EHMT1: variants seen among roughly 807,000 people sequenced by gnomAD.
EHMT1 encodes euchromatic histone lysine methyltransferase 1, also known as histone-lysine N-methyltransferase EHMT1.
In EHMT1, 15 loss-of-function variants were observed where a neutral mutation model predicts 147.2. The ratio of observed to expected loss-of-function variants is 0.10; its 90% CI spans 0.07 to 0.16. The LOEUF is 0.16. Ranked by LOEUF, EHMT1 falls within the 10% of genes least tolerant of loss-of-function variation. The pLI, the probability that EHMT1 is intolerant of heterozygous loss-of-function variation, is 1.00. For missense variants in EHMT1, 1,587 were observed against 1,772.4 expected (o/e 0.90, Z 1.88); for synonymous variants, 795 against 709.6 (o/e 1.12, Z -1.91).
intron 4 of EHMT1, among the ~76,000 whole-genome samples, chr9:137,729,456 G>A (rs4979642): frequency 0.25 from 37,918 of 151,768 alleles, 5,478 homozygotes; most frequent in Admixed American, 0.39. Flanking sequence ...GCATGGTGGC[G>A]GGCGCCTGTA....
intron 1 of EHMT1, 116 bp downstream of exon 1, chr9:137,619,165 C>T (rs1436050654): frequency 5.6e-6 from 1 of 177,322 alleles, no homozygotes; most frequent in Non-Finnish European, 1.0e-5. Context: ...GGCGGGGCCC[C>T]GGGTCCCCCC....
In EHMT1 at chr9:137,670,632, C is replaced by T. The variant is rs563463449; in HGVS notation, c.22-40335C>T. Among the ~76,000 whole-genome samples, 18 of 152,344 alleles carry T rather than the reference C, an allele frequency of 1.2e-4. No individual in the cohort carries two copies. In the East Asian group the frequency reaches 3.3e-3, roughly 28 times the overall value. ...TCTCTCTTCTGACTGGTTTCCCTGG[C>T]CACCTGTCCTTCTGGGGGCAGGTCT... On this transcript the variant is annotated intron_variant, in intron 1 of 26. Coordinates refer to ENST00000460843, the MANE Select transcript of EHMT1 (RefSeq NM_024757.5).
chr9:137,699,976 T>C (rs1240145899), intron 1 of EHMT1, among the ~76,000 whole-genome samples: 1 of 152,236 alleles, frequency 6.6e-6, no homozygotes, highest in Non-Finnish European at 1.5e-5. Flanking sequence ...AATAAAGTGG[T>C]AGTGTTGTAA....
At chr9:137,676,682 G>C (rs563920043) in intron 1 of EHMT1, among the ~76,000 whole-genome samples, 1 of 152,248 alleles carries the variant, frequency 6.6e-6, no homozygotes, top group African/African-American at 2.4e-5. Context: ...GCCCACAGGG[G>C]ACTGGAGTCC....
intron 10 of EHMT1, among the ~76,000 whole-genome samples, chr9:137,769,092 T>G (rs1950432752): frequency 6.6e-6 from 1 of 152,206 alleles, no homozygotes; most frequent in South Asian, 2.1e-4. Context: ...TTCCCTGGAG[T>G]GTACAATACA....
At chr9:137,833,437 C>T (rs35775576) in intron 25 of EHMT1, among the ~76,000 whole-genome samples, 5,490 of 152,342 alleles carry the variant, frequency 0.036, 181 homozygotes, top group Admixed American at 0.092. Context: ...TGCTGCTGAG[C>T]CCAGGTCCCT....
rs1564562371 is a variant in EHMT1 at position 137,669,336 on chromosome 9, GGACCC to G, written c.22-41630_22-41626del. On this transcript the variant is annotated intron_variant, in intron 1 of 26. Transcript: ENST00000460843. ...CTGGAAAGACGCCCCCACAGCACGT[GGACCC>G]CACACCACCCAAGACGCTCCCACAG... 7.7e-4 allele frequency among the ~76,000 whole-genome samples: 17 copies of G among 22,196 alleles called. 1 individual carries two copies. Among genetic ancestry groups the G allele is most frequent in the Non-Finnish European group, 7.6e-4 (9 of 11,886 alleles). The allele number at this position is 22,196 out of a possible 152,430, so 14.6% of individuals were successfully genotyped here.
chr9:137,773,914 G>A (rs1486145815), intron 10 of EHMT1, among the ~76,000 whole-genome samples: 1 of 152,154 alleles, frequency 6.6e-6, no homozygotes, highest in African/African-American at 2.4e-5. Flanking sequence ...AGAACTTTCC[G>A]TAGCAAACCT....
intron 18 of EHMT1, chr9:137,803,060 G>A (rs991423189): frequency 1.2e-5 from 15 of 1,230,386 alleles, no homozygotes; most frequent in African/African-American, 3.1e-5. Flanking sequence ...CGGGGAAGGC[G>A]GCCCTAGTGT....
chr9:137,722,981 A>G (rs11137185), intron 3 of EHMT1, among the ~76,000 whole-genome samples: 89 of 1,206 alleles, frequency 0.074, 15 homozygotes, highest in African/African-American at 0.11. Context: ...CTGTGGTTCT[A>G]GGCCTGAGCC....
At chr9:137,639,392 C>G (rs1306963048) in intron 1 of EHMT1, among the ~76,000 whole-genome samples, 1 of 152,086 alleles carries the variant, frequency 6.6e-6, no homozygotes, top group South Asian at 2.1e-4. Flanking sequence ...CTTTCTAGTT[C>G]TATTAGTTAT....
chr9:137,812,677 C>T (rs971480299), intron 19 of EHMT1, among the ~76,000 whole-genome samples: 11 of 152,278 alleles, frequency 7.2e-5, no homozygotes, highest in African/African-American at 2.4e-4. Context: ...GCCTCTCTCC[C>T]TCCTTGCTTC....
At position 137,776,102 on chromosome 9, in the gene EHMT1, T is replaced by C. The variant is rs1257122163; in HGVS notation, c.1792-516T>C. On this transcript the variant is annotated intron_variant, in intron 11 of 26. Coordinates refer to ENST00000460843, the MANE Select transcript of EHMT1 (RefSeq NM_024757.5). The surrounding 1 kb of genome is among the most constrained non-coding windows in gnomAD (Gnocchi z 4.4). ...ATGTCCTCCCCATCTTCAAACATCC[T>C]TTTTTTGGTTCTGCTACATCTGTTT... Among the ~76,000 whole-genome samples the C allele has an allele frequency of 6.6e-6, 1 of 152,174 alleles. No individual in the cohort carries two copies. The highest frequency in any genetic ancestry group is 1.9e-4 in the East Asian group (1 of 5,192).
At chr9:137,623,332 G>C (rs576788372) in intron 1 of EHMT1, among the ~76,000 whole-genome samples, 1 of 152,136 alleles carries the variant, frequency 6.6e-6, no homozygotes, top group South Asian at 2.1e-4. Flanking sequence ...TTCCCTCCTG[G>C]TGATGGAACA....
intron 14 of EHMT1, among the ~76,000 whole-genome samples, chr9:137,781,626 TAGAG>T (rs772543476): frequency 1.1e-4 from 17 of 152,210 alleles, no homozygotes; most frequent in African/African-American, 2.4e-4. Flanking sequence ...GCATACTTGT[TAGAG>T]AGCCTTCCCA....
At chr9:137,803,929 A>G (rs1387707333) in intron 18 of EHMT1, among the ~76,000 whole-genome samples, 2 of 152,022 alleles carry the variant, frequency 1.3e-5, no homozygotes, top group Admixed American at 6.6e-5. Context: ...TCACACTGCT[A>G]TCAGGGTTCT....
intron 9 of EHMT1, among the ~76,000 whole-genome samples, chr9:137,761,126 A>T (rs1949779947): frequency 6.6e-6 from 1 of 152,248 alleles, no homozygotes; most frequent in South Asian, 2.1e-4. Context: ...CTGAGGAAAC[A>T]CGAGGGGAAG....
chr9:137,657,344 G>C (rs1364340031), intron 1 of EHMT1, among the ~76,000 whole-genome samples: 1 of 152,080 alleles, frequency 6.6e-6, no homozygotes, highest in Non-Finnish European at 1.5e-5. Flanking sequence ...TTTTAACAGT[G>C]TCTTTCTCGT....
intron 1 of EHMT1, among the ~76,000 whole-genome samples, chr9:137,661,872 G>A (rs183634379): frequency 3.7e-4 from 56 of 152,026 alleles, no homozygotes; most frequent in African/African-American, 1.2e-3. Context: ...CTGCAATCTC[G>A]GCTCACTGCA....
Sources: gnomAD v4.1 joint callset for allele counts (sites outside exome capture counted in the v4.1 genomes callset) on GRCh38, gnomAD v4.1.1 for gene constraint, Gnocchi (gnomAD v3.1) non-coding constraint, MANE v1.5 for transcripts, NCBI Gene and HGNC (gene_info 2026-07-23, HGNC 2026-07-21) for gene names.